The following CDK14 variants were observed in gnomAD, a reference collection of about 807,000 sequenced individuals.
CDK14 encodes cyclin dependent kinase 14.
CDK14 carries 34 observed loss-of-function variants against 60.7 expected under a neutral mutation model. The observed-to-expected ratio is 0.56, with a 90% CI of 0.43 to 0.75. The LOEUF (loss-of-function observed/expected upper bound fraction) is 0.75, where lower values mean the gene tolerates loss of function less well. Ranked by LOEUF, CDK14 falls within the 30% of genes least tolerant of loss-of-function variation. The pLI, the probability that CDK14 is intolerant of heterozygous loss-of-function variation, is 0.00. For synonymous variants in CDK14, 197 were observed against 203.7 expected (o/e 0.97, Z 0.28); for missense variants, 482 against 564.1 (o/e 0.85, Z 1.47).
chr7:90,660,610 T>C (rs1800848691), intron 2 of CDK14, among the ~76,000 whole-genome samples: 1 of 152,194 alleles, frequency 6.6e-6, no homozygotes. Flanking sequence ...ACAGATAAAA[T>C]AATGTGTATT....
chr7:90,649,407 TTCTTTCTTTCTTTCCTTCTTTCTTTC>T (rs1273112058), intron 2 of CDK14, among the ~76,000 whole-genome samples: 1 of 109,210 alleles, frequency 9.2e-6, no homozygotes, highest in East Asian at 5.4e-4. Context: ...CTTTCTTTCT[TTCTTTCTTTCTTTCCTTCTTTCTTTC>T]TCTTTCCTTC....
intron 11 of CDK14, among the ~76,000 whole-genome samples, chr7:91,061,514 T>C (rs1335614579): frequency 6.6e-6 from 1 of 152,196 alleles, no homozygotes; most frequent in African/African-American, 2.4e-5. Context: ...CTCTGTTTTT[T>C]CCCCATCTTT....
chr7:91,104,823 C>A (rs911858467), intron 12 of CDK14, among the ~76,000 whole-genome samples: 2 of 151,886 alleles, frequency 1.3e-5, no homozygotes, highest in East Asian at 1.9e-4. Context: ...ACAGAGGTGA[C>A]CTAACAGAAT....
chr7:91,175,943 T>C lies in CDK14; in HGVS notation c.*29-31222T>C, dbSNP rs1394355991. 7.9e-5 allele frequency among the ~76,000 whole-genome samples: 12 copies of C among 151,572 alleles called. No homozygotes were observed. In the East Asian group the frequency reaches 2.1e-3, roughly 27 times the overall value. ...AGGATACCCAGGAATTGAACTCAGC[T>C]CTGCACCAAGCGGACCTAATAGACA... On this transcript the variant is annotated intron_variant, in intron 14 of 14. Coordinates refer to ENST00000380050, the MANE Select transcript of CDK14 (RefSeq NM_001287135.2).
At chr7:90,881,135 A>G (rs925811342) in intron 6 of CDK14, among the ~76,000 whole-genome samples, 1 of 152,196 alleles carries the variant, frequency 6.6e-6, no homozygotes, top group Non-Finnish European at 1.5e-5. Flanking sequence ...TGGGTAATAT[A>G]AAACTACGGT....
intron 5 of CDK14, among the ~76,000 whole-genome samples, chr7:90,811,537 C>G (rs1426869132): frequency 6.6e-6 from 1 of 152,010 alleles, no homozygotes; most frequent in Non-Finnish European, 1.5e-5. Flanking sequence ...TAGGCAATAC[C>G]ATTCAGGACA....
intron 6 of CDK14, among the ~76,000 whole-genome samples, chr7:90,874,875 A>G (rs530297491): frequency 2.0e-5 from 3 of 152,166 alleles, no homozygotes; most frequent in Non-Finnish European, 4.4e-5. Context: ...TTACGATACA[A>G]TTCATGTAAC....
chr7:90,726,680 TTTTGA>T lies in CDK14; in HGVS notation c.238_242del (p.Phe80ProfsTer3). On this transcript the variant is annotated frameshift_variant, in exon 3 of 15. Transcript: ENST00000380050. LOFTEE classifies it high-confidence loss of function. ...TCAGAGTTCAGAGGACACAGAGCAC[TTTTGA>T]CCCATTTGAGAAACCAGCTAATCAA... The T allele has an allele frequency of 6.2e-7, 1 of 1,613,898 alleles. No homozygotes were observed.
intron 5 of CDK14, among the ~76,000 whole-genome samples, chr7:90,797,913 G>A (rs955398768): frequency 2.0e-5 from 3 of 151,784 alleles, no homozygotes; most frequent in African/African-American, 2.4e-5. Context: ...CCAATAATGG[G>A]GATTACAATT....
intron 4 of CDK14, among the ~76,000 whole-genome samples, chr7:90,759,423 GT>G (rs1804226022): frequency 6.6e-6 from 1 of 152,210 alleles, no homozygotes; most frequent in Admixed American, 6.5e-5. Flanking sequence ...AAGCAAAAGT[GT>G]TTTGTTTGAG....
At position 91,207,934 on chromosome 7, in the gene CDK14, G is replaced by T. The variant is rs918915103; in HGVS notation, c.*798G>T. On this transcript the variant is annotated 3_prime_UTR_variant, in exon 15 of 15. Coordinates refer to ENST00000380050, the MANE Select transcript of CDK14 (RefSeq NM_001287135.2). ...AGGTAACTTTTTGTGTCTGGGTCTTGTCAACATCTAATTTTTTTCCATCCA... is the reference window on the plus strand; with the variant it reads ...AGGTAACTTTTTGTGTCTGGGTCTTTTCAACATCTAATTTTTTTCCATCCA... 1 of 152,562 alleles carries T rather than the reference G, an allele frequency of 6.6e-6. No individual in the cohort carries two copies. Among genetic ancestry groups the T allele is most frequent in the African/African-American group, 2.4e-5 (1 of 41,424 alleles). 9.5% of individuals were successfully genotyped at this position (152,562 alleles called of 1,614,324 possible).
intron 11 of CDK14, among the ~76,000 whole-genome samples, chr7:91,050,371 T>TC (rs1284968140): frequency 1.3e-5 from 2 of 152,158 alleles, no homozygotes; most frequent in African/African-American, 4.8e-5. Context: ...CTTTTTCAAT[T>TC]CCTATGATTA....
intron 5 of CDK14, among the ~76,000 whole-genome samples, chr7:90,849,435 C>T (rs75175411): frequency 0.012 from 1,889 of 152,062 alleles, 67 homozygotes; most frequent in African/African-American, 0.043. Context: ...ACAAAATGGA[C>T]TAATACACTT....
At chr7:90,684,994 T>G (rs1043062047) in intron 2 of CDK14, among the ~76,000 whole-genome samples, 12 of 151,866 alleles carry the variant, frequency 7.9e-5, no homozygotes, top group Non-Finnish European at 1.3e-4. Context: ...ATAGATTTTT[T>G]TTTTTTCATT....
chr7:91,115,422 C>T (rs569673199), intron 13 of CDK14, among the ~76,000 whole-genome samples: 2 of 152,176 alleles, frequency 1.3e-5, no homozygotes, highest in South Asian at 4.2e-4. Flanking sequence ...ATCATGAGGG[C>T]CCCTCCCTTA....
intron 5 of CDK14, among the ~76,000 whole-genome samples, chr7:90,823,390 A>C (rs2117084480): frequency 6.6e-6 from 1 of 152,344 alleles, no homozygotes; most frequent in Non-Finnish European, 1.5e-5. Context: ...TTGAATCTTC[A>C]AAATAACTGG....
At chr7:90,837,970 G>A (rs1790167675) in intron 5 of CDK14, among the ~76,000 whole-genome samples, 1 of 152,146 alleles carries the variant, frequency 6.6e-6, no homozygotes, top group Non-Finnish European at 1.5e-5. Context: ...AAAAACATAT[G>A]TAGGATGCCT....
chr7:90,660,297 A>G (rs968126254), intron 2 of CDK14, among the ~76,000 whole-genome samples: 2 of 152,122 alleles, frequency 1.3e-5, no homozygotes, highest in African/African-American at 2.4e-5. Context: ...TCAAATATCT[A>G]TTTACTAACT....
chr7:90,913,126 A>G (rs530892741), intron 7 of CDK14, among the ~76,000 whole-genome samples: 153 of 152,276 alleles, frequency 1.0e-3, no homozygotes, highest in African/African-American at 3.4e-3. Context: ...TTTTCATAGA[A>G]GATCAAGTAT....
Sources: allele counts gnomAD v4.1 joint callset (sites outside exome capture counted in the v4.1 genomes callset), GRCh38; gene constraint gnomAD v4.1.1; transcripts MANE v1.5; gene names NCBI Gene and HGNC (gene_info 2026-07-23, HGNC 2026-07-21).